AGBL4: variants seen among roughly 807,000 people sequenced by gnomAD.
The protein encoded by AGBL4 is AGBL carboxypeptidase 4, also known as cytosolic carboxypeptidase 6.
A neutral mutation model predicts 66.4 loss-of-function variants in AGBL4; 58 were observed. The ratio of observed to expected loss-of-function variants is 0.87; its 90% CI spans 0.71 to 1.09. AGBL4 has a LOEUF of 1.09. Ranked by LOEUF, AGBL4 falls within the 50% of genes least tolerant of loss-of-function variation. AGBL4 has a pLI of 0.00. For synonymous variants in AGBL4, 234 were observed against 222.9 expected (o/e 1.05, Z -0.44); for missense variants, 579 against 631.0 (o/e 0.92, Z 0.88).
Position 49,877,587 on chromosome 1 carries a change from C to T in AGBL4, c.35-26069G>A, listed in dbSNP as rs1328556000. On this transcript the variant is annotated intron_variant, in intron 1 of 13. Transcript: ENST00000371839. The stretch of plus-strand genomic sequence containing the variant: ...AGTATTTTATTGAGGATTTTTGCAT[C>T]GATGTTCATCAAGGATATTGGTCTA... Among the ~76,000 whole-genome samples the T allele has an allele frequency of 3.3e-5, 5 of 152,050 alleles. 1 individual carries two copies. Among genetic ancestry groups the T allele is most frequent in the East Asian group, 1.9e-4 (1 of 5,172 alleles).
intron 6 of AGBL4, among the ~76,000 whole-genome samples, chr1:48,723,834 A>C (rs1647187115): frequency 6.6e-6 from 1 of 152,184 alleles, no homozygotes; most frequent in Non-Finnish European, 1.5e-5. Context: ...AAGAGAAAAC[A>C]CTGTGAAACA....
At chr1:48,723,984 C>G (rs906884971) in intron 6 of AGBL4, among the ~76,000 whole-genome samples, 1 of 152,138 alleles carries the variant, frequency 6.6e-6, no homozygotes, top group Non-Finnish European at 1.5e-5. Flanking sequence ...TCAGCATGCA[C>G]GGGGGAAAGC....
chr1:49,475,391 GT>G (rs887220834), intron 3 of AGBL4, among the ~76,000 whole-genome samples: 17 of 151,486 alleles, frequency 1.1e-4, no homozygotes, highest in African/African-American at 3.4e-4. Flanking sequence ...TTGGCCTGTA[GT>G]TTTTTTTGTT....
chr1:49,698,835 A>G (rs1647034380), intron 2 of AGBL4, among the ~76,000 whole-genome samples: 2 of 152,142 alleles, frequency 1.3e-5, no homozygotes, highest in Admixed American at 1.3e-4. Flanking sequence ...ATACTAAAAA[A>G]GTATAAATGG....
chr1:49,984,039 T>C (rs918511806), intron 1 of AGBL4, among the ~76,000 whole-genome samples: 2 of 152,184 alleles, frequency 1.3e-5, no homozygotes, highest in African/African-American at 4.8e-5. Flanking sequence ...TCTATGGCAG[T>C]AAGATACCAA....
At chr1:49,036,692 G>T (rs917466186) in intron 5 of AGBL4, among the ~76,000 whole-genome samples, 3 of 151,574 alleles carry the variant, frequency 2.0e-5, no homozygotes, top group African/African-American at 7.3e-5. Flanking sequence ...AGAGAAGCTG[G>T]GTCTACAGGC....
intron 5 of AGBL4, among the ~76,000 whole-genome samples, chr1:49,011,198 A>C (rs2149006276): frequency 6.6e-6 from 1 of 152,050 alleles, no homozygotes. Context: ...AAAACAAACA[A>C]CCCCATCAAA....
chr1:49,227,193 T>C (rs1298325665), intron 4 of AGBL4, among the ~76,000 whole-genome samples: 1 of 152,246 alleles, frequency 6.6e-6, no homozygotes, highest in Admixed American at 6.5e-5. Context: ...TTAAATAATA[T>C]TTGTTCCCTC....
chr1:49,400,754 T>C (rs1321755578), intron 3 of AGBL4, among the ~76,000 whole-genome samples: 4 of 152,226 alleles, frequency 2.6e-5, no homozygotes, highest in African/African-American at 9.6e-5. Context: ...TGAGTCCTAA[T>C]AGGTTTCTGG....
At chr1:48,530,686 C>T (rs1266343887), downstream of AGBL4, among the ~76,000 whole-genome samples, 1 of 152,170 alleles carries the variant, frequency 6.6e-6, no homozygotes, top group Non-Finnish European at 1.5e-5. Flanking sequence ...ACTTTTAGTC[C>T]TGTCTCTGCA....
chr1:48,763,916 A>C (rs1204457205), intron 6 of AGBL4, among the ~76,000 whole-genome samples: 1 of 152,206 alleles, frequency 6.6e-6, no homozygotes, highest in East Asian at 1.9e-4. Flanking sequence ...CTGTTGTGCA[A>C]GGTCACAGAA....
chr1:48,958,433 T>C (rs1322145825), intron 5 of AGBL4, among the ~76,000 whole-genome samples: 2 of 152,218 alleles, frequency 1.3e-5, no homozygotes, highest in East Asian at 3.8e-4. Flanking sequence ...CTATAACAGT[T>C]AGATCATCTG....
intron 4 of AGBL4, among the ~76,000 whole-genome samples, chr1:49,150,639 T>C (rs1349232970): frequency 6.6e-6 from 1 of 152,194 alleles, no homozygotes; most frequent in Admixed American, 6.5e-5. Context: ...GCACATGATG[T>C]TTCCTTTTGC....
intron 6 of AGBL4, among the ~76,000 whole-genome samples, chr1:48,705,120 A>T (rs1046750029): frequency 5.9e-5 from 9 of 152,240 alleles, no homozygotes; most frequent in African/African-American, 2.2e-4. Flanking sequence ...ATTATGTGGC[A>T]CACGACTATA....
intron 2 of AGBL4, among the ~76,000 whole-genome samples, chr1:49,817,336 A>C (rs1645256772): frequency 6.6e-6 from 1 of 152,206 alleles, no homozygotes. Context: ...AGACCCAGGC[A>C]TATACATGGA....
chr1:48,742,997 T>C (rs558795689), intron 6 of AGBL4, among the ~76,000 whole-genome samples: 1 of 152,264 alleles, frequency 6.6e-6, no homozygotes, highest in African/African-American at 2.4e-5. Context: ...CTAATCAAGT[T>C]TGAATGAAGA....
chr1:48,869,456 G>A (rs1245332212), intron 5 of AGBL4, among the ~76,000 whole-genome samples: 3 of 152,182 alleles, frequency 2.0e-5, no homozygotes, highest in Non-Finnish European at 4.4e-5. Flanking sequence ...ACTTGACTTT[G>A]TGATGATCAC....
intron 5 of AGBL4, among the ~76,000 whole-genome samples, chr1:49,000,566 T>G (rs191176801): frequency 8.7e-4 from 133 of 152,298 alleles, no homozygotes; most frequent in African/African-American, 3.1e-3. Flanking sequence ...TGGTCTACAT[T>G]TTTTTATATT....
At chr1:49,180,380 A>G (rs1479052774) in intron 4 of AGBL4, among the ~76,000 whole-genome samples, 1 of 152,236 alleles carries the variant, frequency 6.6e-6, no homozygotes, top group African/African-American at 2.4e-5. Flanking sequence ...TCAAAACAAG[A>G]AGAAAAATAA....
Sources: gnomAD v4.1 joint callset for allele counts (sites outside exome capture counted in the v4.1 genomes callset) on GRCh38, gnomAD v4.1.1 for gene constraint, MANE v1.5 for transcripts, NCBI Gene and HGNC (gene_info 2026-07-23, HGNC 2026-07-21) for gene names.